The following CCDC7 variants were observed in gnomAD, a reference collection of about 807,000 sequenced individuals.
CCDC7 encodes coiled-coil domain containing 7, also known as coiled-coil domain-containing protein 7.
CCDC7 carries 183 observed loss-of-function variants against 196.9 expected under a neutral mutation model. That is an observed-to-expected ratio of 0.93 (90% CI 0.82 to 1.05). The LOEUF (loss-of-function observed/expected upper bound fraction) is 1.05. Among genes scored for constraint, CCDC7 ranks in the 50% least tolerant of loss-of-function variants. The pLI is 0.00. For synonymous variants in CCDC7, 525 were observed against 484.6 expected (o/e 1.08, Z -1.10); for missense variants, 1,540 against 1,482.2 (o/e 1.04, Z -0.64).
chr10:32,513,922 A>G (rs527996686), intron 9 of CCDC7: 2 of 152,296 alleles, frequency 1.3e-5, no homozygotes, highest in South Asian at 2.1e-4. Flanking sequence ...ATTTCTCCCT[A>G]TGATCAGGAA....
At chr10:32,693,020 C>G (rs2077268021) in intron 23 of CCDC7, among the ~76,000 whole-genome samples, 1 of 152,182 alleles carries the variant, frequency 6.6e-6, no homozygotes, top group Non-Finnish European at 1.5e-5. Flanking sequence ...TTAACACATA[C>G]TAGAACAACA....
intron 24 of CCDC7, among the ~76,000 whole-genome samples, 154 bp downstream of exon 25, chr10:32,695,146 C>A (rs1196828767): frequency 6.6e-6 from 1 of 152,042 alleles, no homozygotes; most frequent in Non-Finnish European, 1.5e-5. Flanking sequence ...GAACAAAAGC[C>A]ATATAATATT....
chr10:32,523,518 C>T (rs1386809036), intron 11 of CCDC7, among the ~76,000 whole-genome samples: 1 of 150,224 alleles, frequency 6.7e-6, no homozygotes, highest in Admixed American at 6.6e-5. Flanking sequence ...TACTGCACAC[C>T]AGCCTGGGTG....
chr10:32,803,962 G>C (rs974598424), intron 29 of CCDC7, among the ~76,000 whole-genome samples: 1 of 151,910 alleles, frequency 6.6e-6, no homozygotes, highest in Non-Finnish European at 1.5e-5. Flanking sequence ...AAATTATATA[G>C]TATGATATAC....
At chr10:32,706,213 A>G (rs925221641) in intron 24 of CCDC7, among the ~76,000 whole-genome samples, 7 of 152,150 alleles carry the variant, frequency 4.6e-5, no homozygotes, top group African/African-American at 1.7e-4. Context: ...CTGCTCCTGA[A>G]TGACTACTGG....
At chr10:32,467,301 G>A (rs992493285) in intron 5 of CCDC7, among the ~76,000 whole-genome samples, 10 of 151,424 alleles carry the variant, frequency 6.6e-5, no homozygotes, top group East Asian at 5.8e-4. Context: ...TAGTAGAGAC[G>A]GGGTTTCACC....
At chr10:32,679,647 C>G (rs2075561661) in intron 21 of CCDC7, among the ~76,000 whole-genome samples, 1 of 152,166 alleles carries the variant, frequency 6.6e-6, no homozygotes, top group African/African-American at 2.4e-5. Context: ...CACTTGGGTA[C>G]TAGGTACTTG....
At chr10:32,546,983 CTCCTCCTCCTCCTCTTCTTCCTCT>C (rs1422092359) in intron 13 of CCDC7, among the ~76,000 whole-genome samples, 1 of 151,806 alleles carries the variant, frequency 6.6e-6, no homozygotes, top group Non-Finnish European at 1.5e-5. Flanking sequence ...AGCACCTTTC[CTCCTCCTCCTCCTCTTCTTCCTCT>C]TCCTCCTCCT....
chr10:32,874,561 A>G (rs1254658901), intron 41 of CCDC7, among the ~76,000 whole-genome samples: 1 of 151,604 alleles, frequency 6.6e-6, no homozygotes, highest in Admixed American at 6.6e-5. Context: ...GAATTACTTC[A>G]CTTAGAATAA....
chr10:32,689,025 A>T, intron 22 of CCDC7, 28 bp from the exon 24 acceptor site: 1 of 1,321,536 alleles, frequency 7.6e-7, no homozygotes, highest in Non-Finnish European at 1.1e-6. Context: ...TTTGTAATTT[A>T]GCGGACTAAA....
At chr10:32,556,142 T>C (rs2054302562) in intron 13 of CCDC7, among the ~76,000 whole-genome samples, 1 of 152,228 alleles carries the variant, frequency 6.6e-6, no homozygotes, top group African/African-American at 2.4e-5. Context: ...GTGAAGAATT[T>C]ATGGCCATTT....
chr10:32,633,150 C>T (rs935067082), intron 18 of CCDC7, among the ~76,000 whole-genome samples: 10 of 152,092 alleles, frequency 6.6e-5, no homozygotes, highest in South Asian at 2.1e-4. Context: ...TCAATTTGCA[C>T]GTACACACAG....
upstream of CCDC7, among the ~76,000 whole-genome samples, chr10:32,447,108 T>C (rs2031498859): frequency 6.6e-6 from 1 of 152,170 alleles, no homozygotes; most frequent in South Asian, 2.1e-4. Context: ...CCTTTTATAG[T>C]AAAATTTCTC....
chr10:32,557,304 A>G (rs1290627395), intron 13 of CCDC7, among the ~76,000 whole-genome samples: 1 of 148,152 alleles, frequency 6.7e-6, no homozygotes, highest in East Asian at 2.0e-4. Context: ...GGTTTTCAGC[A>G]GTTTGGCTTT....
chr10:32,706,346 A>G (rs760731545), intron 24 of CCDC7, among the ~76,000 whole-genome samples: 1 of 152,150 alleles, frequency 6.6e-6, no homozygotes, highest in Non-Finnish European at 1.5e-5. Context: ...TTATAGCACT[A>G]AATGCCCACA....
At chr10:32,574,404 A>C in intron 16 of CCDC7, 2 of 1,559,876 alleles carry the variant, frequency 1.3e-6, no homozygotes, top group South Asian at 1.2e-5. Flanking sequence ...TTATTCATCA[A>C]CCTTCATTTT....
chr10:32,554,279 C>T (rs1162271546), intron 13 of CCDC7, among the ~76,000 whole-genome samples: 1 of 152,246 alleles, frequency 6.6e-6, no homozygotes, highest in Non-Finnish European at 1.5e-5. Context: ...TGGTTCTTCC[C>T]AGACCTATGG....
chr10:32,685,485 C>T (rs1197810334), intron 21 of CCDC7, among the ~76,000 whole-genome samples: 3 of 152,100 alleles, frequency 2.0e-5, no homozygotes, highest in African/African-American at 7.2e-5. Context: ...GAGAAAGGGG[C>T]TTTACTGGCT....
chr10:32,803,448 A>G (rs890829026), intron 29 of CCDC7, among the ~76,000 whole-genome samples: 1 of 152,204 alleles, frequency 6.6e-6, no homozygotes, highest in African/African-American at 2.4e-5. Flanking sequence ...TATATTTATA[A>G]TTGTTATATC....
Sources: gnomAD v4.1 joint callset for allele counts (sites outside exome capture counted in the v4.1 genomes callset) on GRCh38, gnomAD v4.1.1 for gene constraint, MANE v1.5 for transcripts, NCBI Gene and HGNC (gene_info 2026-07-23, HGNC 2026-07-21) for gene names.